C13orf42: variants seen among roughly 807,000 people sequenced by gnomAD.
C13orf42 encodes uncharacterized protein C13orf42.
chr13:51,158,586 CTG>C (rs1389648379), intron 1 of C13orf42, among the ~76,000 whole-genome samples: 1 of 152,174 alleles, frequency 6.6e-6, no homozygotes, highest in Non-Finnish European at 1.5e-5. Flanking sequence ...CTGTACCTCT[CTG>C]TCTGTCACCT....
At chr13:51,110,117 T>C (rs144831843) in intron 1 of C13orf42, among the ~76,000 whole-genome samples, 1,824 of 152,280 alleles carry the variant, frequency 0.012, 34 homozygotes, top group African/African-American at 0.039. Context: ...TGGTCTGAGG[T>C]ACAGATGGAG....
upstream of C13orf42, among the ~76,000 whole-genome samples, chr13:51,114,253 C>T (rs1953464166): frequency 6.6e-6 from 1 of 152,188 alleles, no homozygotes; most frequent in African/African-American, 2.4e-5. Context: ...AGGTCAACTA[C>T]CTACCAGCTT....
chr13:51,150,937 T>C (rs1025756006), intron 1 of C13orf42, among the ~76,000 whole-genome samples: 1 of 152,156 alleles, frequency 6.6e-6, no homozygotes, highest in African/African-American at 2.4e-5. Context: ...CCAGAAATGC[T>C]ACCAAAAAAA....
At chr13:51,157,991 G>A (rs1381463771) in intron 1 of C13orf42, among the ~76,000 whole-genome samples, 3 of 152,212 alleles carry the variant, frequency 2.0e-5, no homozygotes, top group Middle Eastern at 3.4e-3. Flanking sequence ...CAAAAATAAC[G>A]TTTTTAAAAA....
chr13:51,093,126 G>C (rs150573024), intron 1 of C13orf42, among the ~76,000 whole-genome samples: 1 of 152,110 alleles, frequency 6.6e-6, no homozygotes, highest in Admixed American at 6.5e-5. Context: ...TGTGCAAGTT[G>C]GTTTGTTCAA....
intron 3 of C13orf42, among the ~76,000 whole-genome samples, chr13:51,084,900 C>T (rs61614839): frequency 0.014 from 2,080 of 152,228 alleles, 53 homozygotes; most frequent in African/African-American, 0.046. Context: ...GGAGCCTGCC[C>T]GGTGCATTTT....
intron 1 of C13orf42, among the ~76,000 whole-genome samples, chr13:51,141,425 G>A (rs1053093367): frequency 7.9e-5 from 12 of 151,848 alleles, no homozygotes; most frequent in African/African-American, 2.2e-4. Flanking sequence ...GGCCTAATAC[G>A]TTTTTATATG....
intron 1 of C13orf42, among the ~76,000 whole-genome samples, chr13:51,142,954 C>T (rs980073590): frequency 2.6e-5 from 4 of 152,084 alleles, no homozygotes; most frequent in African/African-American, 9.7e-5. Context: ...TTTTTAAAAA[C>T]CTGAAACTTT....
chr13:51,119,221 G>A (rs1324619468), intron 1 of C13orf42, among the ~76,000 whole-genome samples: 1 of 152,020 alleles, frequency 6.6e-6, no homozygotes, highest in Non-Finnish European at 1.5e-5. Flanking sequence ...AGCATGGAGT[G>A]AGCTGCAGAT....
intron 1 of C13orf42, among the ~76,000 whole-genome samples, chr13:51,158,927 A>G (rs961578731): frequency 4.6e-5 from 7 of 152,196 alleles, no homozygotes; most frequent in Non-Finnish European, 7.3e-5. Flanking sequence ...TTCCAATGAC[A>G]GTGGTTTTCC....
chr13:51,147,830 C>A (rs1220287281), intron 1 of C13orf42, among the ~76,000 whole-genome samples: 2 of 152,160 alleles, frequency 1.3e-5, no homozygotes, highest in Non-Finnish European at 1.5e-5. Flanking sequence ...CATGCCTGAT[C>A]CTCCTCACAG....
chr13:51,166,125 A>G (rs1383998258), intron 1 of C13orf42, among the ~76,000 whole-genome samples: 3 of 152,198 alleles, frequency 2.0e-5, no homozygotes, highest in Non-Finnish European at 4.4e-5. Flanking sequence ...AAAGGGAAAA[A>G]TTAATCTGCT....
intron 1 of C13orf42, among the ~76,000 whole-genome samples, chr13:51,092,262 G>A (rs1335933577): frequency 1.3e-5 from 2 of 152,132 alleles, no homozygotes; most frequent in South Asian, 2.1e-4. Flanking sequence ...TACCACCTGC[G>A]ATAAGCTGCA....
chr13:51,137,728 T>C (rs1206444120), intron 1 of C13orf42, among the ~76,000 whole-genome samples: 1 of 152,204 alleles, frequency 6.6e-6, no homozygotes, highest in Non-Finnish European at 1.5e-5. Flanking sequence ...AAAACTAGTA[T>C]GTATCCATTG....
intron 1 of C13orf42, among the ~76,000 whole-genome samples, chr13:51,140,671 T>C (rs1321093406): frequency 6.6e-6 from 1 of 152,178 alleles, no homozygotes; most frequent in Non-Finnish European, 1.5e-5. Flanking sequence ...ATTATTATTA[T>C]TTTGGAGTTT....
At chr13:51,132,951 C>T (rs183750277) in intron 1 of C13orf42, among the ~76,000 whole-genome samples, 99 of 152,276 alleles carry the variant, frequency 6.5e-4, no homozygotes, top group Non-Finnish European at 5.3e-4. Context: ...CTCACTGCTA[C>T]ACCCTCACCA....
chr13:51,159,735 T>A (rs529251595), intron 1 of C13orf42, among the ~76,000 whole-genome samples: 9 of 152,244 alleles, frequency 5.9e-5, no homozygotes, highest in Non-Finnish European at 1.0e-4. Context: ...ATATGCAATG[T>A]ATATTTTGCA....
chr13:51,092,533 AT>A (rs1429690164), intron 1 of C13orf42, among the ~76,000 whole-genome samples: 8 of 152,064 alleles, frequency 5.3e-5, no homozygotes, highest in African/African-American at 1.9e-4. Context: ...AATCTGTCAC[AT>A]TTGCTTATTC....
intron 1 of C13orf42, among the ~76,000 whole-genome samples, chr13:51,102,963 G>T (rs371203847): frequency 1.3e-5 from 2 of 152,232 alleles, no homozygotes; most frequent in East Asian, 3.9e-4. Context: ...TGACAGCATG[G>T]GGTAAACCGC....
Sources: gnomAD v4.1 joint callset for allele counts (sites outside exome capture counted in the v4.1 genomes callset) on GRCh38, gnomAD v4.1.1 for gene constraint, MANE v1.5 for transcripts, NCBI Gene and HGNC (gene_info 2026-07-23, HGNC 2026-07-21) for gene names.